Variants in ITGA7 observed in about 807,000 individuals in gnomAD.
ITGA7 encodes the protein integrin alpha-7.
In ITGA7, 84 loss-of-function variants were observed where a neutral mutation model predicts 131.6. The observed-to-expected ratio is 0.64, with a 90% CI of 0.54 to 0.77. The LOEUF (loss-of-function observed/expected upper bound fraction) is 0.77. Among genes scored for constraint, ITGA7 ranks in the 30% least tolerant of loss-of-function variants. ITGA7 has a pLI of 0.00. For missense variants in ITGA7, 1,399 were observed against 1,482.9 expected, an observed-to-expected ratio of 0.94 and a Z score of 0.93; for synonymous variants, 548 against 600.7, an observed-to-expected ratio of 0.91 and a Z score of 1.28.
chr12:55,698,637 C>A (rs944714177), intron 6 of ITGA7, 61 bp from the exon 7 acceptor site: 10 of 1,612,500 alleles, frequency 6.2e-6, no homozygotes, highest in Non-Finnish European at 8.5e-6. Flanking sequence ...CAGCAGGAGG[C>A]TAAGTGGCCT....
Position 55,687,109 on chromosome 12 carries a change from C to T in ITGA7, c.3183+862G>A, listed in dbSNP as rs944414457. On this transcript the variant is annotated intron_variant, in intron 24 of 24. Coordinates refer to ENST00000257879, the MANE Select transcript of ITGA7 (RefSeq NM_002206.3). ...TTCCTGCCTTGTCCTTGACTACAGG[C>T]TCACCACTCCCATCCCACTGGACTA... 2.0e-5 allele frequency among the ~76,000 whole-genome samples: 3 copies of T among 151,582 alleles called. No individual in the cohort carries two copies. In the East Asian group the frequency reaches 5.8e-4, roughly 29 times the overall value.
At chr12:55,700,098 G>A (rs1384260663) in intron 4 of ITGA7, 109 bp from the exon 5 acceptor site, 3 of 1,469,106 alleles carry the variant, frequency 2.0e-6, no homozygotes, top group South Asian at 2.4e-5. Context: ...AAGAAGAGGT[G>A]GAGAGAGAAA....
upstream of ITGA7, among the ~76,000 whole-genome samples, chr12:55,710,429 C>T (rs1875981958): frequency 2.0e-5 from 3 of 151,542 alleles, no homozygotes; most frequent in Admixed American, 6.6e-5. Context: ...AATAAATAAA[C>T]TGTTAGAGAA....
At chr12:55,707,926 C>T (rs527827403), upstream of ITGA7, 382 of 1,383,806 alleles carry the variant, frequency 2.8e-4, 1 homozygote, top group African/African-American at 3.4e-3. Context: ...CCTCCTCTCC[C>T]GGGGACGCCA....
chr12:55,715,737 C>T (rs116309044), upstream of ITGA7, among the ~76,000 whole-genome samples: 951 of 152,246 alleles, frequency 6.2e-3, 10 homozygotes, highest in African/African-American at 0.022. Flanking sequence ...CCAGCTAGCA[C>T]TGCCAGGAGG....
rs1362799802 is a variant in ITGA7 at position 55,685,153 on chromosome 12, G to A, written c.3319C>T (p.Pro1107Ser). The part of the protein sequence containing the change: ...GTILRNNWGS[P>S]RREGPDAHPI... ...TGTGCATCCGGGCCCTCCCGCCGGG[G>A]GCTGCCCCAGTTGTTCCTCAGGATG... The change falls in exon 25 of 25, where the codon CCC (proline) becomes TCC (serine). Residue 1107 changes from proline to serine, a missense_variant. Physicochemically the swap from Pro to Ser is moderately conservative, Grantham distance 74 (BLOSUM62 -1). Transcript: ENST00000257879. 1 of 1,613,962 alleles carries A rather than the reference G, an allele frequency of 6.2e-7. No homozygotes were observed. Among genetic ancestry groups the A allele is most frequent in the South Asian group, 1.1e-5 (1 of 91,088 alleles).
Position 55,707,820 on chromosome 12 carries a change from G to GGCCCACGCC in ITGA7, c.-139_-138insGGCGTGGGC. On this transcript the variant is annotated 5_prime_UTR_variant, in exon 1 of 25. Transcript: ENST00000257879. ...CGTCTCCCAGACGTTCGCCCCGCCAGCCCTCCCGCCCGCCCGCCGCTCCGC... is the reference window on the plus strand; with the variant it reads ...CGTCTCCCAGACGTTCGCCCCGCCAGGCCCACGCCCCCTCCCGCCCGCCCGCCGCTCCGC... The GGCCCACGCC allele has an allele frequency of 6.9e-7, 1 of 1,455,778 alleles. No individual in the cohort carries two copies. Among genetic ancestry groups the GGCCCACGCC allele is most frequent in the Non-Finnish European group, 9.1e-7 (1 of 1,102,490 alleles). 90.2% of individuals were successfully genotyped at this position (1,455,778 alleles called of 1,614,324 possible).
chr12:55,715,008 G>A (rs945612673), upstream of ITGA7, among the ~76,000 whole-genome samples: 14 of 151,628 alleles, frequency 9.2e-5, no homozygotes, highest in Admixed American at 2.6e-4. Context: ...TTACAGGCTT[G>A]TGCCACTACG....
upstream of ITGA7, among the ~76,000 whole-genome samples, chr12:55,713,818 T>G (rs562288207): frequency 6.6e-6 from 1 of 152,342 alleles, no homozygotes; most frequent in South Asian, 2.1e-4. Flanking sequence ...CTCCCAGGAT[T>G]TGGGATGCTA....
chr12:55,703,619 G>T (rs1466679623), intron 1 of ITGA7, among the ~76,000 whole-genome samples: 1 of 152,112 alleles, frequency 6.6e-6, no homozygotes, highest in African/African-American at 2.4e-5. Flanking sequence ...AATGCTGGGA[G>T]CAAAAGTAAC....
chr12:55,692,087 T>C (rs1475826469), intron 21 of ITGA7, among the ~76,000 whole-genome samples: 1 of 152,190 alleles, frequency 6.6e-6, no homozygotes, highest in Non-Finnish European at 1.5e-5. Context: ...TCACATATAA[T>C]ATACGGTTGT....
At chr12:55,707,428 A>C in intron 1 of ITGA7, 49 bp downstream of exon 1, 1 of 1,458,816 alleles carries the variant, frequency 6.9e-7, no homozygotes. Flanking sequence ...GGGGAGGGGG[A>C]CGATCTGTGG....
At chr12:55,693,973 G>A in intron 19 of ITGA7, 48 bp downstream of exon 19, 3 of 1,449,900 alleles carry the variant, frequency 2.1e-6, no homozygotes, top group Non-Finnish European at 2.9e-6. Context: ...TCTCCTCTGT[G>A]CCAAGGAGGG....
chr12:55,700,218 G>A (rs748888121), intron 4 of ITGA7: 8 of 1,572,636 alleles, frequency 5.1e-6, no homozygotes, highest in Middle Eastern at 1.9e-4. Context: ...CAAGAGAGAG[G>A]AGCAGAGGGT....
At chr12:55,707,340 G>A (rs957897200) in intron 1 of ITGA7, 137 bp downstream of exon 1, 4 of 710,860 alleles carry the variant, frequency 5.6e-6, no homozygotes, top group Non-Finnish European at 9.6e-6. Context: ...AAGGCTCCAG[G>A]TTGGGATGTG....
At chr12:55,711,999 T>C (rs891113530), upstream of ITGA7, 1 of 1,293,466 alleles carries the variant, frequency 7.7e-7, no homozygotes, top group African/African-American at 1.5e-5. Context: ...TTGGAGCTTA[T>C]GTCCCAAGGT....
Position 55,688,935 on chromosome 12 carries a change from T to C in ITGA7, c.2867A>G (p.Asn956Ser). The change falls in exon 22 of 25, where the codon AAC becomes AGC. Residue 956 changes from asparagine to serine, a missense_variant. Asn to Ser is a conservative substitution (Grantham distance 46). Transcript: ENST00000257879. ...GAGTGGGCAGCTGAACACCACACAGTTGGCCGTGCCCCGGGCGCAGTCCTA... is the reference window on the plus strand; with the variant it reads ...GAGTGGGCAGCTGAACACCACACAGCTGGCCGTGCCCCGGGCGCAGTCCTA... ...ITLDCARGTANCVVFSCPLYS... is the reference protein window; with the variant it reads ...ITLDCARGTASCVVFSCPLYS... 4 of 1,613,928 alleles carry C rather than the reference T, an allele frequency of 2.5e-6. No individual in the cohort carries two copies. Among genetic ancestry groups the C allele is most frequent in the Non-Finnish European group, 2.5e-6 (3 of 1,179,908 alleles).
chr12:55,698,928 G>T lies in ITGA7; in HGVS notation c.791-11C>A, dbSNP rs1422867680. 6.3e-7 allele frequency: 1 copy of T among 1,599,996 alleles called. No individual in the cohort carries two copies. Among genetic ancestry groups the T allele is most frequent in the South Asian group, 1.1e-5 (1 of 89,412 alleles). On this transcript the variant is annotated splice_polypyrimidine_tract_variant and intron_variant, in intron 5 of 24. Coordinates refer to ENST00000257879, the MANE Select transcript of ITGA7 (RefSeq NM_002206.3). ...AGTCAATAGAGAAGCCTGGGGGAAG[G>T]GTGACTTACCCCTAAGTCTTCACCC...
At position 55,698,774 on chromosome 12, in the gene ITGA7, A is replaced by G. The variant is rs1873249075; in HGVS notation, c.934T>C (p.Ser312Pro). 1 of 1,614,106 alleles carries G rather than the reference A, an allele frequency of 6.2e-7. No individual in the cohort carries two copies. The change falls in exon 6 of 25, where the codon TCT becomes CCT. Residue 312 changes from serine (S) to proline (P), a missense_variant. By Grantham distance (74) the Ser-to-Pro change is moderately conservative. Coordinates refer to ENST00000257879, the MANE Select transcript of ITGA7 (RefSeq NM_002206.3). ...AAGCCGGAGGTCAGGCGCTCCCCAGACAGCATAACCTCGGGCACCAGGCGA... is the reference window on the plus strand; with the variant it reads ...AAGCCGGAGGTCAGGCGCTCCCCAGGCAGCATAACCTCGGGCACCAGGCGA... The part of the protein sequence containing the change: ...ASRLVPEVML[S>P]GERLTSGFGY...
Sources: allele counts gnomAD v4.1 joint callset (sites outside exome capture counted in the v4.1 genomes callset), GRCh38; gene constraint gnomAD v4.1.1; transcripts MANE v1.5; gene names NCBI Gene and HGNC (gene_info 2026-07-23, HGNC 2026-07-21).